Variants in MAST2 observed in about 807,000 individuals in gnomAD.
MAST2 encodes microtubule associated serine/threonine kinase 2.
Under a neutral mutation model 147.4 loss-of-function variants are expected in MAST2, and 70 were observed. That is an observed-to-expected ratio of 0.47 (90% CI 0.39 to 0.58). The LOEUF (loss-of-function observed/expected upper bound fraction) is 0.58, where lower values mean the gene tolerates loss of function less well. Among genes scored for constraint, MAST2 ranks in the 20% least tolerant of loss-of-function variants. The pLI, the probability that MAST2 is intolerant of heterozygous loss-of-function variation, is 0.00. For missense variants in MAST2, 2,080 were observed against 2,302.3 expected, an observed-to-expected ratio of 0.90 and a Z score of 1.98; for synonymous variants, 869 against 896.8, an observed-to-expected ratio of 0.97 and a Z score of 0.55.
At chr1:45,845,896 G>A (rs1316071319) in intron 3 of MAST2, among the ~76,000 whole-genome samples, 5 of 152,146 alleles carry the variant, frequency 3.3e-5, no homozygotes, top group Non-Finnish European at 5.9e-5. Flanking sequence ...GAGTAGCTGG[G>A]ACTACAGGTG....
intron 3 of MAST2, among the ~76,000 whole-genome samples, chr1:45,831,637 G>A (rs527396534): frequency 1.3e-5 from 2 of 152,098 alleles, no homozygotes; most frequent in African/African-American, 4.8e-5. Flanking sequence ...TTTTTTCTGT[G>A]TGTATATATG....
At chr1:45,861,635 T>G (rs1331636312) in intron 3 of MAST2, among the ~76,000 whole-genome samples, 1 of 152,210 alleles carries the variant, frequency 6.6e-6, no homozygotes, top group Non-Finnish European at 1.5e-5. Flanking sequence ...CCTTCCTTCC[T>G]TTTCATCTTT....
At chr1:45,819,079 C>G (rs959996820) in intron 1 of MAST2, among the ~76,000 whole-genome samples, 1 of 151,758 alleles carries the variant, frequency 6.6e-6, no homozygotes, top group African/African-American at 2.4e-5. Context: ...CATGGTGAAA[C>G]CTTGTCTCTA....
At chr1:45,869,072 A>C (rs1646275353) in intron 3 of MAST2, among the ~76,000 whole-genome samples, 1 of 152,000 alleles carries the variant, frequency 6.6e-6, no homozygotes, top group Non-Finnish European at 1.5e-5. Flanking sequence ...CAGCTACACC[A>C]GTCTTGTACC....
chr1:45,838,081 CA>C (rs1281835528), intron 3 of MAST2, among the ~76,000 whole-genome samples: 1 of 151,768 alleles, frequency 6.6e-6, no homozygotes, highest in African/African-American at 2.4e-5. Flanking sequence ...ACCCGGCTAT[CA>C]TTTTTTAAAT....
At chr1:45,837,891 C>T (rs537816804) in intron 3 of MAST2, among the ~76,000 whole-genome samples, 89 of 152,196 alleles carry the variant, frequency 5.8e-4, no homozygotes, top group Middle Eastern at 6.8e-3. Context: ...CCATTCTCCT[C>T]CCTCAGCCTC....
chr1:45,902,459 T>TA (rs1649941636), intron 4 of MAST2, among the ~76,000 whole-genome samples: 1 of 152,112 alleles, frequency 6.6e-6, no homozygotes, highest in Admixed American at 6.5e-5. Flanking sequence ...TGTGTCCTTC[T>TA]CAGATTTTGG....
At chr1:45,893,697 T>C (rs867146824) in intron 4 of MAST2, among the ~76,000 whole-genome samples, 15 of 152,140 alleles carry the variant, frequency 9.9e-5, no homozygotes, top group Non-Finnish European at 2.9e-5. Flanking sequence ...ATGAGGACAT[T>C]GACAAATCTC....
intron 26 of MAST2, 58 bp downstream of exon 26, chr1:46,032,776 T>C: frequency 1.3e-6 from 2 of 1,578,938 alleles, no homozygotes; most frequent in Non-Finnish European, 8.6e-7. Context: ...TGTGAGTCTG[T>C]GATGGCAGTT....
intron 1 of MAST2, among the ~76,000 whole-genome samples, chr1:45,822,618 T>C (rs1644672138): frequency 6.6e-6 from 1 of 152,128 alleles, no homozygotes. Flanking sequence ...ATGCAGCTGG[T>C]TGTAAGTTTT....
intron 5 of MAST2, among the ~76,000 whole-genome samples, chr1:45,972,698 T>A (rs961798168): frequency 6.6e-6 from 1 of 152,222 alleles, no homozygotes; most frequent in Non-Finnish European, 1.5e-5. Flanking sequence ...TCTACATGCT[T>A]AATTCATCTA....
At chr1:45,919,540 T>TA (rs1230687948) in intron 4 of MAST2, among the ~76,000 whole-genome samples, 1 of 152,210 alleles carries the variant, frequency 6.6e-6, no homozygotes, top group Non-Finnish European at 1.5e-5. Context: ...TACAGGAGCT[T>TA]AAATTCCACA....
chr1:45,919,815 C>T (rs1455629467), intron 4 of MAST2, among the ~76,000 whole-genome samples: 1 of 149,724 alleles, frequency 6.7e-6, no homozygotes, highest in African/African-American at 2.5e-5. Context: ...TTTTCATAGA[C>T]TTACTAACAT....
intron 4 of MAST2, among the ~76,000 whole-genome samples, chr1:45,925,357 A>C (rs1654197883): frequency 6.6e-6 from 1 of 152,260 alleles, no homozygotes; most frequent in Admixed American, 6.5e-5. Context: ...CTTAAGAGGC[A>C]TAATAAATTT....
At chr1:45,953,284 T>G (rs1451068531) in intron 4 of MAST2, among the ~76,000 whole-genome samples, 1 of 152,108 alleles carries the variant, frequency 6.6e-6, no homozygotes, top group Non-Finnish European at 1.5e-5. Context: ...GGAGGAAAAC[T>G]TTACCTTAGA....
At chr1:46,009,179 C>T (rs548657515) in intron 9 of MAST2, among the ~76,000 whole-genome samples, 5 of 152,244 alleles carry the variant, frequency 3.3e-5, no homozygotes, top group African/African-American at 7.2e-5. Flanking sequence ...CTCAGCCTCC[C>T]GAGATGCTGG....
chr1:45,873,908 C>T (rs1048978209), intron 3 of MAST2, among the ~76,000 whole-genome samples: 1 of 152,192 alleles, frequency 6.6e-6, no homozygotes, highest in African/African-American at 2.4e-5. Flanking sequence ...GCAGCCTCTG[C>T]CTCCCAAGCT....
At chr1:46,019,072 G>A (rs1403050442) in intron 10 of MAST2, among the ~76,000 whole-genome samples, 1 of 152,098 alleles carries the variant, frequency 6.6e-6, no homozygotes, top group East Asian at 1.9e-4. Flanking sequence ...CTATCCCCTT[G>A]TCTGCATTCT....
intron 4 of MAST2, among the ~76,000 whole-genome samples, chr1:45,915,544 A>G (rs1163266040): frequency 2.0e-5 from 3 of 152,076 alleles, no homozygotes; most frequent in Admixed American, 6.6e-5. Flanking sequence ...CTCTGTCTCT[A>G]CTGAAAATAC....
Sources: allele counts gnomAD v4.1 joint callset (sites outside exome capture counted in the v4.1 genomes callset), GRCh38; gene constraint gnomAD v4.1.1; transcripts MANE v1.5; gene names NCBI Gene and HGNC (gene_info 2026-07-23, HGNC 2026-07-21).